Variants in CRAMP1 observed in about 807,000 individuals in gnomAD.
The protein encoded by CRAMP1 is cramped chromatin regulator 1, also known as protein cramped-like.
CRAMP1 carries 50 observed loss-of-function variants against 115.4 expected under a neutral mutation model. The observed-to-expected ratio is 0.43, with a 90% CI of 0.35 to 0.55. The LOEUF (loss-of-function observed/expected upper bound fraction) is 0.55. CRAMP1 is among the 20% of genes least tolerant of loss of function. CRAMP1 has a pLI of 0.01. For missense variants in CRAMP1, 1,679 were observed against 1,721.7 expected (o/e 0.98, Z 0.44); for synonymous variants, 866 against 745.4 (o/e 1.16, Z -2.64).
intron 4 of CRAMP1, among the ~76,000 whole-genome samples, chr16:1,633,148 T>C (rs1204656085): frequency 6.6e-6 from 1 of 152,240 alleles, no homozygotes; most frequent in Non-Finnish European, 1.5e-5. Context: ...ACTGCCACTC[T>C]TTGTGCCCTT....
At chr16:1,635,162 T>C (rs2036577514) in intron 4 of CRAMP1, among the ~76,000 whole-genome samples, 1 of 152,182 alleles carries the variant, frequency 6.6e-6, no homozygotes, top group Non-Finnish European at 1.5e-5. Context: ...CCTCCCAAAG[T>C]GCAAGGATTA....
At position 1,668,163 on chromosome 16, in the gene CRAMP1, A is replaced by T. The variant is rs2036892502; in HGVS notation, c.3304A>T (p.Ile1102Phe). 1 of 1,613,610 alleles carries T rather than the reference A, an allele frequency of 6.2e-7. No individual in the cohort carries two copies. Among genetic ancestry groups the T allele is most frequent in the Non-Finnish European group, 8.5e-7 (1 of 1,179,848 alleles). The change falls in exon 18 of 21, where the codon ATT becomes TTT. Residue 1102 changes from isoleucine to phenylalanine, a missense_variant. By Grantham distance (21) the Ile-to-Phe change is conservative (BLOSUM62 0). Coordinates refer to ENST00000397412, the MANE Select transcript of CRAMP1 (RefSeq NM_020825.4). ...EPATHISDSI[I>F]EIAISSGQYG... Reference sequence around the variant, plus strand: ...TGCCACACACATTAGCGACTCCATCATTGAGATCGCCATCAGCTCCGGTCA... The same window carrying T: ...TGCCACACACATTAGCGACTCCATCTTTGAGATCGCCATCAGCTCCGGTCA...
rs746479882 is a variant in CRAMP1 at position 1,666,199 on chromosome 16, C to T, written c.2857+22C>T. The T allele has an allele frequency of 6.6e-7, 1 of 1,519,978 alleles. No homozygotes were observed. The highest frequency in any genetic ancestry group is 9.1e-7 in the Non-Finnish European group (1 of 1,103,532). 94.2% of individuals were successfully genotyped at this position (1,519,978 alleles called of 1,614,324 possible). ...GCCAGTAAGTCTGTACCTGCATGGCCACAGCCACTGAGTGAGCCTCTGAGG... is the reference window on the plus strand; with the variant it reads ...GCCAGTAAGTCTGTACCTGCATGGCTACAGCCACTGAGTGAGCCTCTGAGG... On this transcript the variant is annotated intron_variant, in intron 15 of 20. Coordinates refer to ENST00000397412, the MANE Select transcript of CRAMP1 (RefSeq NM_020825.4). This position sits in a 1 kb window ranked among gnomAD's most constrained non-coding sequence, Gnocchi z 5.0.
intron 8 of CRAMP1, among the ~76,000 whole-genome samples, chr16:1,653,443 C>T (rs78497668): frequency 0.018 from 2,691 of 152,310 alleles, 87 homozygotes; most frequent in African/African-American, 0.06. Context: ...AAGGCCCATA[C>T]AGTTCCTCTC....
At chr16:1,637,161 G>A (rs773047590) in intron 4 of CRAMP1, among the ~76,000 whole-genome samples, 9 of 152,176 alleles carry the variant, frequency 5.9e-5, no homozygotes, top group Non-Finnish European at 1.3e-4. Flanking sequence ...GGCCATAATG[G>A]TGTGCACCTG....
At chr16:1,655,416 G>C (rs34464612) in intron 9 of CRAMP1, 116 bp downstream of exon 9, 87,575 of 823,630 alleles carry the variant, frequency 0.11, 5,499 homozygotes, top group African/African-American at 0.24. Context: ...GAACAGCCAT[G>C]CTGTGACATG....
chr16:1,613,060 C>T (rs1371975647), intron 1 of CRAMP1, among the ~76,000 whole-genome samples: 1 of 152,078 alleles, frequency 6.6e-6, no homozygotes, highest in Non-Finnish European at 1.5e-5. Flanking sequence ...TTGCTTGGGT[C>T]CCGGGTGGCC....
intron 4 of CRAMP1, among the ~76,000 whole-genome samples, chr16:1,636,016 C>T (rs2036585812): frequency 6.6e-6 from 1 of 152,186 alleles, no homozygotes. Context: ...TGGATGGCCA[C>T]ATTTTGCTTG....
chr16:1,646,449 C>G (rs2036675039), intron 6 of CRAMP1, among the ~76,000 whole-genome samples: 2 of 152,200 alleles, frequency 1.3e-5, no homozygotes, highest in Admixed American at 1.3e-4. Flanking sequence ...ATGCGTTTCC[C>G]TGATGACTCA....
chr16:1,670,719 C>T lies in CRAMP1; in HGVS notation c.3555C>T (p.Thr1185=). The T allele has an allele frequency of 6.2e-7, 1 of 1,613,974 alleles. No individual in the cohort carries two copies. Among genetic ancestry groups the T allele is most frequent in the Non-Finnish European group, 8.5e-7 (1 of 1,179,856 alleles). ...AGATGTTGCCGACTCCCATTGGGAC[C>T]AACAGTGGCACTTCCTTGCTTGGCC... ...SRKMLPTPIG[T]NSGTSLLGPS... Residue 1185 remains threonine (T), a synonymous_variant, in exon 20 of 21, where the codon ACC becomes ACT. Coordinates refer to ENST00000397412, the MANE Select transcript of CRAMP1 (RefSeq NM_020825.4).
chr16:1,655,487 G>C (rs34574554), intron 9 of CRAMP1, among the ~76,000 whole-genome samples, 187 bp downstream of exon 9: 16,958 of 152,158 alleles, frequency 0.11, 1,055 homozygotes, highest in African/African-American at 0.15. Context: ...CCCCCTCTGT[G>C]GCCTTGCAGT....
chr16:1,670,374 A>G, intron 19 of CRAMP1: 1 of 255,250 alleles, frequency 3.9e-6, no homozygotes, highest in South Asian at 4.9e-5. Flanking sequence ...GGGGTGGGGG[A>G]TGGCAGCGAG....
At position 1,677,643 on chromosome 16, in the gene CRAMP1, G is replaced by T. The variant is rs2036981927; in HGVS notation, c.*3598G>T. On this transcript the variant is annotated 3_prime_UTR_variant, in exon 21 of 21. Transcript: ENST00000397412. ...CTCTCTCTTACTCGGTTAAGCCATA[G>T]CGAGGCCTCCGCTCGTTTCAGATAT... 1 of 152,616 alleles carries T rather than the reference G, an allele frequency of 6.6e-6. No individual in the cohort carries two copies. Among genetic ancestry groups the T allele is most frequent in the Non-Finnish European group, 1.5e-5 (1 of 68,052 alleles). 9.5% of individuals were successfully genotyped at this position (152,616 alleles called of 1,614,324 possible).
chr16:1,629,657 G>A (rs1392638758), intron 3 of CRAMP1, among the ~76,000 whole-genome samples: 1 of 152,172 alleles, frequency 6.6e-6, no homozygotes, highest in East Asian at 1.9e-4. Flanking sequence ...AGGCCGTCAA[G>A]TTGCTTCATC....
intron 4 of CRAMP1, 32 bp downstream of exon 4, chr16:1,632,397 C>T (rs770450040): frequency 1.9e-6 from 3 of 1,558,028 alleles, no homozygotes; most frequent in East Asian, 4.8e-5. Flanking sequence ...CTCGGGGGTG[C>T]CCACAGGCAG....
intron 6 of CRAMP1, among the ~76,000 whole-genome samples, chr16:1,650,025 C>T (rs1276279743): frequency 1.3e-5 from 2 of 152,174 alleles, no homozygotes; most frequent in South Asian, 4.1e-4. Flanking sequence ...AACTCCTGAC[C>T]TCAGCTGATC....
intron 3 of CRAMP1, among the ~76,000 whole-genome samples, chr16:1,631,362 G>A (rs1004558139): frequency 3.9e-5 from 6 of 152,170 alleles, no homozygotes; most frequent in African/African-American, 1.2e-4. Context: ...CTCTTCTCAC[G>A]TCCCCATCGC....
At chr16:1,613,388 T>G (rs993515485) in intron 1 of CRAMP1, among the ~76,000 whole-genome samples, 1 of 152,068 alleles carries the variant, frequency 6.6e-6, no homozygotes, top group Non-Finnish European at 1.5e-5. Context: ...GAAAGAGAGG[T>G]CCTCGCCCGC....
At chr16:1,646,183 C>G (rs1166206852) in intron 6 of CRAMP1, among the ~76,000 whole-genome samples, 1 of 152,146 alleles carries the variant, frequency 6.6e-6, no homozygotes, top group Non-Finnish European at 1.5e-5. Flanking sequence ...GTGGAGGGAC[C>G]CAGGGCTATT....
Sources: allele counts gnomAD v4.1 joint callset (sites outside exome capture counted in the v4.1 genomes callset), GRCh38; gene constraint gnomAD v4.1.1; non-coding constraint Gnocchi (gnomAD v3.1); transcripts MANE v1.5; gene names NCBI Gene and HGNC (gene_info 2026-07-23, HGNC 2026-07-21).